The following PTPN3 variants were observed in gnomAD, a reference collection of about 807,000 sequenced individuals.
The protein encoded by PTPN3 is tyrosine-protein phosphatase non-receptor type 3.
PTPN3 carries 96 observed loss-of-function variants against 132.7 expected under a neutral mutation model. The observed-to-expected ratio is 0.72, with a 90% confidence interval of 0.61 to 0.86. The LOEUF is 0.86. PTPN3 is among the 40% of genes least tolerant of loss of function. The pLI, the probability that PTPN3 is intolerant of heterozygous loss-of-function variation, is 0.00. For synonymous variants in PTPN3, 398 were observed against 429.0 expected, an observed-to-expected ratio of 0.93 and a Z score of 0.89; for missense variants, 1,125 against 1,159.6, an observed-to-expected ratio of 0.97 and a Z score of 0.43.
At chr9:109,455,404 C>T (rs904773305) in intron 4 of PTPN3, among the ~76,000 whole-genome samples, 1 of 152,194 alleles carries the variant, frequency 6.6e-6, no homozygotes, top group African/African-American at 2.4e-5. Flanking sequence ...AGGCACTGAG[C>T]ACTTTCTTGC....
At chr9:109,465,315 G>C (rs1198803708) in intron 1 of PTPN3, among the ~76,000 whole-genome samples, 2 of 152,188 alleles carry the variant, frequency 1.3e-5, no homozygotes, top group Non-Finnish European at 2.9e-5. Context: ...GGTGGTTCAC[G>C]CCTGTAATCC....
At chr9:109,490,512 C>T (rs1408243653) in intron 1 of PTPN3, among the ~76,000 whole-genome samples, 3 of 151,842 alleles carry the variant, frequency 2.0e-5, no homozygotes, top group African/African-American at 7.3e-5. Flanking sequence ...CCGAGGTGGG[C>T]GGATCACCTG....
At chr9:109,455,946 T>A (rs1845537918) in intron 4 of PTPN3, among the ~76,000 whole-genome samples, 1 of 152,114 alleles carries the variant, frequency 6.6e-6, no homozygotes, top group African/African-American at 2.4e-5. Context: ...ATTCATGCCT[T>A]GTGTGGACTC....
chr9:109,521,615 T>G, the PTPN3 span, among the ~76,000 whole-genome samples: 2 of 152,348 alleles, frequency 1.3e-5, no homozygotes, highest in East Asian at 3.9e-4. Context: ...TGATTCCCAC[T>G]TGTCTGAGTG....
intron 1 of PTPN3, among the ~76,000 whole-genome samples, chr9:109,491,975 G>A (rs773356291): frequency 5.9e-5 from 9 of 152,246 alleles, no homozygotes; most frequent in Non-Finnish European, 1.0e-4. Context: ...GAGAGGGCAT[G>A]TGCAGATCAT....
chr9:109,528,347 A>T, the PTPN3 span, among the ~76,000 whole-genome samples: 2 of 152,256 alleles, frequency 1.3e-5, no homozygotes, highest in Non-Finnish European at 2.9e-5. Context: ...CATTAACAGT[A>T]GAGAGAAAAT....
At chr9:109,407,532 A>T (rs539038297) in intron 17 of PTPN3, among the ~76,000 whole-genome samples, 2 of 152,336 alleles carry the variant, frequency 1.3e-5, no homozygotes, top group African/African-American at 4.8e-5. Context: ...ATATTATTTT[A>T]AAAACAATAA....
chr9:109,501,645 T>C (rs753015595), upstream of PTPN3, among the ~76,000 whole-genome samples: 15 of 152,228 alleles, frequency 9.9e-5, no homozygotes, highest in Non-Finnish European at 2.1e-4. Flanking sequence ...AATGGGGCTT[T>C]TGAATGGGCA....
At chr9:109,521,139 C>T in the PTPN3 span, among the ~76,000 whole-genome samples, 166 of 152,178 alleles carry the variant, frequency 1.1e-3, no homozygotes, top group African/African-American at 3.9e-3. Context: ...TAAAGAGTTG[C>T]AGCCAGAGGG....
chr9:109,465,374 C>T (rs902253841), intron 1 of PTPN3, among the ~76,000 whole-genome samples: 3 of 152,000 alleles, frequency 2.0e-5, no homozygotes, highest in South Asian at 2.1e-4. Flanking sequence ...GTCAGGAGTT[C>T]GAGATCAGCT....
intron 2 of PTPN3, among the ~76,000 whole-genome samples, chr9:109,462,048 A>G (rs1845868111): frequency 1.3e-5 from 2 of 152,210 alleles, no homozygotes; most frequent in Non-Finnish European, 2.9e-5. Flanking sequence ...CCCACCTACA[A>G]AAAAATGATG....
At chr9:109,489,300 G>T (rs1208885452) in intron 1 of PTPN3, among the ~76,000 whole-genome samples, 1 of 152,220 alleles carries the variant, frequency 6.6e-6, no homozygotes, top group Non-Finnish European at 1.5e-5. Flanking sequence ...CAGGCACAAA[G>T]CTGGGAGTGG....
At chr9:109,528,717 T>C in the PTPN3 span, among the ~76,000 whole-genome samples, 6 of 152,158 alleles carry the variant, frequency 3.9e-5, no homozygotes, top group Non-Finnish European at 7.3e-5. Context: ...TATATGTATA[T>C]ATATATGTTA....
At chr9:109,517,265 A>C in the PTPN3 span, among the ~76,000 whole-genome samples, 1 of 152,156 alleles carries the variant, frequency 6.6e-6, no homozygotes, top group Non-Finnish European at 1.5e-5. Context: ...AACTCTCCAC[A>C]GGGCTTGGAA....
At chr9:109,485,303 C>T (rs983313306) in intron 1 of PTPN3, among the ~76,000 whole-genome samples, 17 of 152,010 alleles carry the variant, frequency 1.1e-4, no homozygotes, top group African/African-American at 3.6e-4. Context: ...GTCAGGAGAT[C>T]GAGACCATCC....
chr9:109,476,125 T>C (rs983892278), intron 1 of PTPN3, among the ~76,000 whole-genome samples: 12 of 152,308 alleles, frequency 7.9e-5, no homozygotes, highest in Admixed American at 6.5e-4. Context: ...CAGGGGGCCA[T>C]CTCAGGTTAT....
chr9:109,467,605 T>TA (rs1846165340), intron 1 of PTPN3, among the ~76,000 whole-genome samples: 1 of 152,202 alleles, frequency 6.6e-6, no homozygotes, highest in Admixed American at 6.5e-5. Context: ...GTGGAACAGC[T>TA]AAAGCAGAGA....
At chr9:109,439,542 T>C (rs538508264) in intron 7 of PTPN3, among the ~76,000 whole-genome samples, 3 of 152,340 alleles carry the variant, frequency 2.0e-5, no homozygotes, top group African/African-American at 4.8e-5. Context: ...GATATGGTGA[T>C]ACTTTGTGGC....
rs200786137 is a variant in PTPN3 at position 109,454,493 on chromosome 9, T to G, written c.368+3A>C. 2.5e-6 allele frequency: 4 copies of G among 1,610,600 alleles called. No homozygotes were observed. Among genetic ancestry groups the G allele is most frequent in the Non-Finnish European group, 3.4e-6 (4 of 1,177,924 alleles). ...ACAGAAAACTTTAAAAAAATGTTGT[T>G]ACCTGGTTTGTTCTTGCTGCAGTGT... On this transcript the variant is annotated splice_donor_region_variant and intron_variant, in intron 5 of 25. Transcript: ENST00000374541.
Sources: allele counts gnomAD v4.1 joint callset (sites outside exome capture counted in the v4.1 genomes callset), GRCh38; gene constraint gnomAD v4.1.1; transcripts MANE v1.5; gene names NCBI Gene and HGNC (gene_info 2026-07-23, HGNC 2026-07-21).